The following IGF1R variants were observed in gnomAD, a reference collection of about 807,000 sequenced individuals.
The protein encoded by IGF1R is insulin-like growth factor 1 receptor.
A neutral mutation model predicts 144.6 loss-of-function variants in IGF1R; 44 were observed. That is an observed-to-expected ratio of 0.30 (90% CI 0.24 to 0.39). The LOEUF is 0.39. Among genes scored for constraint, IGF1R ranks in the 10% least tolerant of loss-of-function variants. IGF1R has a pLI of 1.00. For missense variants in IGF1R, 1,355 were observed against 1,833.7 expected (o/e 0.74, Z 4.77); for synonymous variants, 795 against 722.8 (o/e 1.10, Z -1.60).
Position 98,708,064 on chromosome 15 carries a change from T to C in IGF1R, c.597T>C (p.Asn199=). 3 of 1,613,780 alleles carry C rather than the reference T, an allele frequency of 1.9e-6. No individual in the cohort carries two copies. Among genetic ancestry groups the C allele is most frequent in the Non-Finnish European group, 2.5e-6 (3 of 1,179,788 alleles). The change falls in exon 2 of 21, where the codon AAT becomes AAC. Residue 199 remains asparagine (N), a synonymous_variant. Transcript: ENST00000650285. ...KPMCEKTTIN[N]EYNYRCWTTN... ...TGTGTGAGAAGACCACCATCAACAA[T>C]GAGTACAACTACCGCTGCTGGACCA... is the stretch of plus-strand genomic sequence containing the variant.
At chr15:98,876,706 T>C (rs1266205277) in intron 2 of IGF1R, among the ~76,000 whole-genome samples, 2 of 152,224 alleles carry the variant, frequency 1.3e-5, no homozygotes, top group East Asian at 1.9e-4. Context: ...ATCAGATAGA[T>C]TAAATATAAG....
chr15:98,772,555 G>A (rs2055614832), intron 2 of IGF1R, among the ~76,000 whole-genome samples: 2 of 150,318 alleles, frequency 1.3e-5, no homozygotes, highest in African/African-American at 2.4e-5. Flanking sequence ...GGAGCACAGT[G>A]GCACAATCAT....
At chr15:98,656,321 G>A (rs572783363) in intron 1 of IGF1R, among the ~76,000 whole-genome samples, 2 of 152,302 alleles carry the variant, frequency 1.3e-5, no homozygotes, top group African/African-American at 4.8e-5. Flanking sequence ...AGGCCAAGGT[G>A]GGCAGATCAC....
At chr15:98,762,776 G>A (rs189001840) in intron 2 of IGF1R, among the ~76,000 whole-genome samples, 2 of 151,874 alleles carry the variant, frequency 1.3e-5, no homozygotes, top group Admixed American at 6.6e-5. Flanking sequence ...GGCTGGGCAC[G>A]GTGGCTCATG....
intron 2 of IGF1R, among the ~76,000 whole-genome samples, chr15:98,780,238 T>C (rs1054427567): frequency 1.3e-5 from 2 of 152,096 alleles, no homozygotes; most frequent in African/African-American, 4.8e-5. Context: ...GTGTATTGTC[T>C]CATTTAATAG....
intron 2 of IGF1R, among the ~76,000 whole-genome samples, chr15:98,773,061 T>G (rs2055628385): frequency 6.6e-6 from 1 of 152,214 alleles, no homozygotes; most frequent in South Asian, 2.1e-4. Context: ...GATTCTTAGC[T>G]CATCTGTGGC....
chr15:98,817,129 C>T (rs1206452203), intron 2 of IGF1R, among the ~76,000 whole-genome samples: 1 of 151,834 alleles, frequency 6.6e-6, no homozygotes, highest in East Asian at 1.9e-4. Flanking sequence ...ATGGTGAAAC[C>T]CCGTCTCTAC....
intron 1 of IGF1R, among the ~76,000 whole-genome samples, chr15:98,697,898 T>C (rs2053633291): frequency 6.6e-6 from 1 of 151,876 alleles, no homozygotes; most frequent in South Asian, 2.1e-4. Context: ...CCACCATGCC[T>C]GGCTAACTTT....
At chr15:98,757,638 G>A (rs779348557) in intron 2 of IGF1R, among the ~76,000 whole-genome samples, 4 of 151,952 alleles carry the variant, frequency 2.6e-5, no homozygotes, top group African/African-American at 4.8e-5. Context: ...TGAGTTCTTG[G>A]TTTGATTTTA....
chr15:98,782,026 C>T (rs1191089365), intron 2 of IGF1R, among the ~76,000 whole-genome samples: 1 of 152,082 alleles, frequency 6.6e-6, no homozygotes. Context: ...TGGGGTCTTG[C>T]TGTGTTGCCC....
In IGF1R at chr15:98,908,653, A is replaced by AG. The variant is rs1210978116; in HGVS notation, c.1248-30dup. On this transcript the variant is annotated intron_variant, in intron 5 of 20. Coordinates refer to ENST00000650285, the MANE Select transcript of IGF1R (RefSeq NM_000875.5). The stretch of plus-strand genomic sequence containing the variant: ...GCTAGAGGGGACTGTGGCCAAGGGC[A>AG]GGTGCGCTAACATCGATTTCTGTGC... The AG allele has an allele frequency of 3.8e-6, 6 of 1,574,622 alleles. No individual in the cohort carries two copies. In the African/African-American group the frequency reaches 8.1e-5, roughly 21 times the overall value.
chr15:98,899,848 T>A (rs201868892), intron 5 of IGF1R, among the ~76,000 whole-genome samples: 1 of 152,180 alleles, frequency 6.6e-6, no homozygotes, highest in Non-Finnish European at 1.5e-5. Flanking sequence ...TTACTGGATT[T>A]TGCCTCATCA....
intron 2 of IGF1R, among the ~76,000 whole-genome samples, chr15:98,710,384 CTTGGTTTGCG>C (rs1379662561): frequency 1.3e-4 from 20 of 152,262 alleles, no homozygotes; most frequent in African/African-American, 4.8e-5. Context: ...AGAACTTCCT[CTTGGTTTGCG>C]TAGATTCCAT....
intron 13 of IGF1R, among the ~76,000 whole-genome samples, chr15:98,925,298 T>C (rs146176683): frequency 9.2e-5 from 14 of 152,346 alleles, no homozygotes; most frequent in African/African-American, 2.6e-4. Context: ...ACAGAATTCT[T>C]AGGCTGTTCT....
chr15:98,946,027 TGACGACGATGACAGC>T (rs2016537932), intron 19 of IGF1R, among the ~76,000 whole-genome samples: 1 of 151,918 alleles, frequency 6.6e-6, no homozygotes. Flanking sequence ...ATGATGACGA[TGACGACGATGACAGC>T]GTCGTCGTCG....
At chr15:98,863,245 G>C (rs1259768346) in intron 2 of IGF1R, among the ~76,000 whole-genome samples, 2 of 152,180 alleles carry the variant, frequency 1.3e-5, no homozygotes, top group African/African-American at 4.8e-5. Flanking sequence ...GCTGCTGTTT[G>C]TGTCTTTGCG....
intron 1 of IGF1R, among the ~76,000 whole-genome samples, chr15:98,684,390 A>T (rs1182539537): frequency 5.3e-5 from 6 of 112,562 alleles, no homozygotes; most frequent in African/African-American, 1.0e-4. Context: ...TGTTTGTTTT[A>T]TGCTTGCTAA....
intron 15 of IGF1R, among the ~76,000 whole-genome samples, chr15:98,934,101 AC>A (rs1484563449): frequency 6.7e-6 from 1 of 149,036 alleles, no homozygotes; most frequent in Non-Finnish European, 1.5e-5. Context: ...TATTAAAGTT[AC>A]CTAAATATTT....
chr15:98,707,575 C>T lies in IGF1R; in HGVS notation c.108C>T (p.Gly36=), dbSNP rs1355904843. Reference sequence around the variant, plus strand: ...GTCTCCCTTCAGTCTGCGGGCCAGGCATCGACATCCGCAACGACTATCAGC... The same window carrying T: ...GTCTCCCTTCAGTCTGCGGGCCAGGTATCGACATCCGCAACGACTATCAGC... ...WPTSGEICGP[G]IDIRNDYQQL... is the part of the protein sequence containing the mutation. The change falls in exon 2 of 21, where the codon GGC becomes GGT. Residue 36 remains glycine (G), a synonymous_variant. Transcript: ENST00000650285. The surrounding 1 kb of genome is among the most constrained non-coding windows in gnomAD (Gnocchi z 6.7). 6.2e-7 allele frequency: 1 copy of T among 1,614,212 alleles called. No individual in the cohort carries two copies. The highest frequency in any genetic ancestry group is 1.1e-5 in the South Asian group (1 of 91,080).
Sources: allele counts gnomAD v4.1 joint callset (sites outside exome capture counted in the v4.1 genomes callset), GRCh38; gene constraint gnomAD v4.1.1; non-coding constraint Gnocchi (gnomAD v3.1); transcripts MANE v1.5; gene names NCBI Gene and HGNC (gene_info 2026-07-23, HGNC 2026-07-21).